The following MTCL2 variants were observed in gnomAD, a reference collection of about 807,000 sequenced individuals.
MTCL2 encodes the protein microtubule crosslinking factor 2.
the MTCL2 span, chr20:36,780,336 T>C: frequency 6.6e-6 from 1 of 151,848 alleles, no homozygotes; most frequent in Non-Finnish European, 1.5e-5. Flanking sequence ...GTTTAGTGGG[T>C]ACAGAGTTTC....
the MTCL2 span, among the ~76,000 whole-genome samples, chr20:36,790,501 C>T: frequency 7.2e-6 from 1 of 139,642 alleles, no homozygotes; most frequent in Non-Finnish European, 1.5e-5. Flanking sequence ...GTGGCGTGGT[C>T]TCAGCTTGTT....
the MTCL2 span, among the ~76,000 whole-genome samples, chr20:36,804,289 C>T: frequency 6.6e-6 from 1 of 152,190 alleles, no homozygotes; most frequent in Non-Finnish European, 1.5e-5. Context: ...CAGCAAGTCA[C>T]CCTCAGGCAC....
chr20:36,831,943 AACTC>A, the MTCL2 span, among the ~76,000 whole-genome samples: 32 of 152,270 alleles, frequency 2.1e-4, no homozygotes, highest in African/African-American at 6.7e-4. Flanking sequence ...CTCACTCACT[AACTC>A]ACTCACTCAC....
chr20:36,862,669 C>T, the MTCL2 span: 1 of 1,498,768 alleles, frequency 6.7e-7, no homozygotes, highest in Non-Finnish European at 8.9e-7. Flanking sequence ...TTGAGATAGT[C>T]GTTCTCCGAG....
the MTCL2 span, chr20:36,793,151 C>T: frequency 7.3e-7 from 1 of 1,371,002 alleles, no homozygotes; most frequent in Admixed American, 2.8e-5. The surrounding 1 kb of genome is among the most constrained non-coding windows in gnomAD (Gnocchi z 6.8). Flanking sequence ...GCGATCCACC[C>T]ACCTCGGCCC....
chr20:36,780,769 CA>C, the MTCL2 span: 1 of 152,306 alleles, frequency 6.6e-6, no homozygotes, highest in African/African-American at 2.4e-5. Context: ...TCGCCAAGGT[CA>C]ATCACGTTGG....
At chr20:36,784,548 G>T in the MTCL2 span, 43 of 985,608 alleles carry the variant, frequency 4.4e-5, no homozygotes, top group Non-Finnish European at 5.1e-5. Context: ...CCATCCTGGT[G>T]TTTCCACTCT....
At chr20:36,815,588 C>T in the MTCL2 span, 13 of 1,582,918 alleles carry the variant, frequency 8.2e-6, no homozygotes, top group South Asian at 1.1e-5. The surrounding 1 kb of genome is among the most constrained non-coding windows in gnomAD (Gnocchi z 5.3). Flanking sequence ...CCTCGGCGTC[C>T]GTCTCCAGCA....
the MTCL2 span, chr20:36,794,741 GC>G: frequency 9.6e-7 from 1 of 1,043,490 alleles, no homozygotes; most frequent in Non-Finnish European, 1.4e-6. This position sits in a 1 kb window ranked among gnomAD's most constrained non-coding sequence, Gnocchi z 5.4. Flanking sequence ...TGTTGTTGGT[GC>G]CCAGTCCCAC....
At chr20:36,853,914 C>A in the MTCL2 span, among the ~76,000 whole-genome samples, 1 of 152,186 alleles carries the variant, frequency 6.6e-6, no homozygotes, top group East Asian at 1.9e-4. Context: ...CCCATCCTTT[C>A]CATGTGAACA....
chr20:36,783,221 T>A, the MTCL2 span: 9 of 152,246 alleles, frequency 5.9e-5, no homozygotes, highest in African/African-American at 1.7e-4. Flanking sequence ...CTCTTAGAGG[T>A]CAGCCTTTGG....
the MTCL2 span, chr20:36,808,732 G>T: frequency 6.3e-7 from 1 of 1,592,854 alleles, no homozygotes; most frequent in Non-Finnish European, 8.5e-7. Flanking sequence ...CCCTCTGCTG[G>T]TCCTCCTTCA....
chr20:36,793,521 C>T, the MTCL2 span: 5 of 1,551,718 alleles, frequency 3.2e-6, no homozygotes, highest in South Asian at 3.6e-5. The surrounding 1 kb of genome is among the most constrained non-coding windows in gnomAD (Gnocchi z 6.8). Context: ...TTGGGAGGCT[C>T]GGGCTTGGCC....
the MTCL2 span, chr20:36,793,445 G>A: frequency 3.9e-6 from 6 of 1,551,092 alleles, no homozygotes; most frequent in East Asian, 1.5e-4. This position sits in a 1 kb window ranked among gnomAD's most constrained non-coding sequence, Gnocchi z 6.8. Flanking sequence ...CTCCTCTCCT[G>A]CTGATGAGGT....
chr20:36,781,697 T>A, the MTCL2 span: 1 of 148,450 alleles, frequency 6.7e-6, no homozygotes, highest in Admixed American at 6.7e-5. Flanking sequence ...ATAATAATAA[T>A]AAATAATAAA....
the MTCL2 span, among the ~76,000 whole-genome samples, chr20:36,841,302 C>T: frequency 6.6e-6 from 1 of 151,082 alleles, no homozygotes. Flanking sequence ...CATTGGGTGA[C>T]AGAGTGAGAC....
At chr20:36,812,487 G>T in the MTCL2 span, among the ~76,000 whole-genome samples, 1 of 152,152 alleles carries the variant, frequency 6.6e-6, no homozygotes, top group African/African-American at 2.4e-5. Flanking sequence ...AATAATTTAT[G>T]CAGATGAGTT....
chr20:36,828,814 C>A, the MTCL2 span: 1 of 473,298 alleles, frequency 2.1e-6, no homozygotes, highest in South Asian at 3.3e-5. Flanking sequence ...CCGTGAGCTC[C>A]CTGAGGACAG....
the MTCL2 span, chr20:36,794,355 T>G: frequency 2.5e-6 from 4 of 1,603,478 alleles, no homozygotes; most frequent in Admixed American, 1.7e-5. The surrounding 1 kb of genome is among the most constrained non-coding windows in gnomAD (Gnocchi z 5.4). Flanking sequence ...TCAGGAGCCG[T>G]GTAGCTGCGC....
Sources: gnomAD v4.1 joint callset for allele counts (sites outside exome capture counted in the v4.1 genomes callset) on GRCh38, gnomAD v4.1.1 for gene constraint, Gnocchi (gnomAD v3.1) non-coding constraint, MANE v1.5 for transcripts, NCBI Gene and HGNC (gene_info 2026-07-23, HGNC 2026-07-21) for gene names.